Variants in ARFGEF2 observed in about 807,000 individuals in gnomAD.
The protein encoded by ARFGEF2 is brefeldin A-inhibited guanine nucleotide-exchange protein 2.
In ARFGEF2, 74 loss-of-function variants were observed where a neutral mutation model predicts 219.9. The observed-to-expected ratio is 0.34, with a 90% confidence interval of 0.28 to 0.41. The LOEUF is 0.41. Among genes scored for constraint, ARFGEF2 ranks in the 10% least tolerant of loss-of-function variants. The probability of loss-of-function intolerance (pLI) is 1.00; values close to 1 mark genes in which losing one functional copy is unlikely to be tolerated. For synonymous variants in ARFGEF2, 733 were observed against 799.2 expected, an observed-to-expected ratio of 0.92 and a Z score of 1.40; for missense variants, 1,743 against 2,218.3, an observed-to-expected ratio of 0.79 and a Z score of 4.30.
Position 48,991,034 on chromosome 20 carries a change from T to C in ARFGEF2, c.2815-6T>C. The C allele has an allele frequency of 1.2e-6, 2 of 1,613,624 alleles. No individual in the cohort carries two copies. Among genetic ancestry groups the C allele is most frequent in the Middle Eastern group, 1.7e-4 (1 of 6,060 alleles). ...CACAGTGTTCTCTCTTGGGTTTCTG[T>C]TACAGCTGGAACGAGATGCCTATGT... On this transcript the variant is annotated splice_polypyrimidine_tract_variant and splice_region_variant and intron_variant, in intron 20 of 38. Transcript: ENST00000371917.
chr20:48,948,976 A>G (rs922396046), intron 3 of ARFGEF2, among the ~76,000 whole-genome samples: 3 of 152,222 alleles, frequency 2.0e-5, no homozygotes, highest in Non-Finnish European at 4.4e-5. Context: ...TATAGACTCT[A>G]TAAGAAAAAT....
intron 14 of ARFGEF2, among the ~76,000 whole-genome samples, chr20:48,978,746 G>T (rs916827768): frequency 3.3e-5 from 5 of 152,150 alleles, no homozygotes; most frequent in African/African-American, 1.2e-4. Flanking sequence ...TTGTGAATGG[G>T]AGTTCACTCA....
chr20:49,017,615 C>T (rs2091539109), intron 33 of ARFGEF2, 65 bp downstream of exon 33: 3 of 1,553,928 alleles, frequency 1.9e-6, no homozygotes, highest in South Asian at 1.2e-5. Context: ...GATCAATAAG[C>T]CTGTATAGTT....
intron 19 of ARFGEF2, 40 bp downstream of exon 19, chr20:48,989,476 T>C: frequency 6.2e-7 from 1 of 1,614,226 alleles, no homozygotes; most frequent in Non-Finnish European, 8.5e-7. Flanking sequence ...TGGCTAAGCC[T>C]GATTCTGAAG....
intron 1 of ARFGEF2, among the ~76,000 whole-genome samples, chr20:48,928,968 G>C (rs1423102605): frequency 6.6e-6 from 1 of 152,212 alleles, no homozygotes; most frequent in Non-Finnish European, 1.5e-5. Flanking sequence ...TCTGAAAGCA[G>C]TGCTAGGGAA....
At position 49,013,708 on chromosome 20, in the gene ARFGEF2, C is replaced by T. The variant is rs139697849; in HGVS notation, c.4049+14C>T. ...TGTACGAACAAGGTAACCATGTTCC[C>T]GTGCGGTGGCCCCTTACATCACTGA... On this transcript the variant is annotated intron_variant, in intron 29 of 38. Transcript: ENST00000371917. 36 of 1,614,050 alleles carry T rather than the reference C, an allele frequency of 2.2e-5. No individual in the cohort carries two copies. Among genetic ancestry groups the T allele is most frequent in the African/African-American group, 1.9e-4 (14 of 75,006 alleles).
At chr20:49,001,339 C>T (rs1240780242) in intron 25 of ARFGEF2, among the ~76,000 whole-genome samples, 1 of 152,106 alleles carries the variant, frequency 6.6e-6, no homozygotes, top group East Asian at 1.9e-4. Flanking sequence ...CGTGCCCGGC[C>T]CTCACTCTGG....
chr20:49,021,618 C>T (rs974394454), intron 34 of ARFGEF2, among the ~76,000 whole-genome samples: 2 of 151,786 alleles, frequency 1.3e-5, no homozygotes, highest in African/African-American at 2.4e-5. Context: ...GAGGCTGAGG[C>T]GGGCAGATCA....
chr20:48,998,046 G>A, intron 23 of ARFGEF2, 147 bp from the exon 24 acceptor site: 1 of 721,610 alleles, frequency 1.4e-6, no homozygotes, highest in South Asian at 1.5e-5. Context: ...TTTTATTAGA[G>A]ACAAGGTTTC....
At chr20:48,974,588 C>G (rs2091249024) in intron 12 of ARFGEF2, among the ~76,000 whole-genome samples, 178 bp from the exon 13 acceptor site, 1 of 152,084 alleles carries the variant, frequency 6.6e-6, no homozygotes. Context: ...ATGTCCAGGG[C>G]TTTTGCAATG....
At chr20:48,928,285 G>A (rs1452703176) in intron 1 of ARFGEF2, among the ~76,000 whole-genome samples, 9 of 133,530 alleles carry the variant, frequency 6.7e-5, no homozygotes, top group African/African-American at 1.4e-4. Context: ...TGCAAGCTCC[G>A]CCTCCCGGGT....
rs73264225 is a variant in ARFGEF2, at chr20:48,942,093, G to A, written c.276+106G>A. On this transcript the variant is annotated intron_variant, in intron 3 of 38. Coordinates refer to ENST00000371917, the MANE Select transcript of ARFGEF2 (RefSeq NM_006420.3). ...CACGCTGGCACTCAGTGCTGTCAGAGGCGATGCAGAAAGGAGCAGTTTAAC... is the reference window on the plus strand; with the variant it reads ...CACGCTGGCACTCAGTGCTGTCAGAAGCGATGCAGAAAGGAGCAGTTTAAC... 1.5e-3 allele frequency: 2,210 copies of A among 1,443,046 alleles called. 33 individuals carry two copies. The African/African-American group carries it at 0.027, about 18-fold the overall frequency. 89.4% of individuals were successfully genotyped at this position (1,443,046 alleles called of 1,614,324 possible). A position where few individuals can be genotyped will look rare whatever the true frequency, so the allele number is the denominator to read the frequency against.
Position 48,973,153 on chromosome 20 carries a change from T to C in ARFGEF2, c.1534T>C (p.Cys512Arg), listed in dbSNP as rs1182878781. The part of the protein sequence containing the change: ...TLTRICADAQ[C>R]VVDIYVNYDC... ...GTATGTTATTTTCCAAGATGCCCAG[T>C]GTGTTGTGGATATTTATGTCAACTA... Residue 512 changes from cysteine (C) to arginine (R), a missense_variant, in exon 12 of 39, where the codon TGT becomes CGT. Around this residue, in one of 5 missense-constraint regions of ARFGEF2, gnomAD observed 666 missense variants for 955.4 expected, o/e 0.70. Coordinates refer to ENST00000371917, the MANE Select transcript of ARFGEF2 (RefSeq NM_006420.3). 1 of 1,614,052 alleles carries C rather than the reference T, an allele frequency of 6.2e-7. No homozygotes were observed. Among genetic ancestry groups the C allele is most frequent in the African/African-American group, 1.3e-5 (1 of 74,926 alleles).
chr20:48,935,238 C>T (rs2090940395), intron 1 of ARFGEF2, among the ~76,000 whole-genome samples: 1 of 152,084 alleles, frequency 6.6e-6, no homozygotes. Context: ...GAGGACCCTG[C>T]GGCCTTCCGC....
chr20:48,946,544 G>A (rs1027152120), intron 3 of ARFGEF2, among the ~76,000 whole-genome samples: 1 of 151,196 alleles, frequency 6.6e-6, no homozygotes, highest in Non-Finnish European at 1.5e-5. Context: ...TTTAGAGAAA[G>A]GAAACACCTT....
In ARFGEF2 at chr20:48,965,907, A is replaced by C. The variant is rs2091184179; in HGVS notation, c.943A>C (p.Arg315=). The change falls in exon 8 of 39, where the codon AGA becomes CGA. Residue 315 remains arginine (R), a synonymous_variant. Coordinates refer to ENST00000371917, the MANE Select transcript of ARFGEF2 (RefSeq NM_006420.3). ...AAAGCATGGTCTGACAGAACCTGAG[A>C]GAGTTCTAGGTGAACTGGAGTGCCA... ...AEKHGLTEPE[R]VLGELECQEC... The C allele has an allele frequency of 6.2e-7, 1 of 1,614,218 alleles. No homozygotes were observed.
chr20:48,985,924 A>C (rs2123454079), intron 16 of ARFGEF2, among the ~76,000 whole-genome samples: 1 of 152,298 alleles, frequency 6.6e-6, no homozygotes, highest in South Asian at 2.1e-4. Context: ...ACAATTGGGC[A>C]CCTCTTCCCT....
intron 26 of ARFGEF2, among the ~76,000 whole-genome samples, chr20:49,008,898 G>A (rs2091479427): frequency 6.6e-6 from 1 of 151,994 alleles, no homozygotes; most frequent in Admixed American, 6.6e-5. Context: ...AGTAGAGACG[G>A]GGTTTCACCG....
Position 48,929,100 on chromosome 20 carries a change from C to G in ARFGEF2, c.121+7090C>G, listed in dbSNP as rs147613684. 3.3e-4 allele frequency among the ~76,000 whole-genome samples: 50 copies of G among 152,328 alleles called. No individual in the cohort carries two copies. The South Asian group carries it at 3.3e-3, about 10-fold the overall frequency. ...TGTGTTTAGCTCTTGCCAGTTTCAC[C>G]AGGCTTAGGGGGCCTGCCAGGAAAA... On this transcript the variant is annotated intron_variant, in intron 1 of 38. Coordinates refer to ENST00000371917, the MANE Select transcript of ARFGEF2 (RefSeq NM_006420.3).
Sources: allele counts gnomAD v4.1 joint callset (sites outside exome capture counted in the v4.1 genomes callset), GRCh38; gene constraint gnomAD v4.1.1; regional missense constraint gnomAD v4.1.1; transcripts MANE v1.5; gene names NCBI Gene and HGNC (gene_info 2026-07-23, HGNC 2026-07-21).